EXO1: variants seen among roughly 807,000 people sequenced by gnomAD.
EXO1 encodes the protein exonuclease 1.
In EXO1, 69 loss-of-function variants were observed where a neutral mutation model predicts 84.5. The ratio of observed to expected loss-of-function variants is 0.82; its 90% CI spans 0.67 to 1.00. The LOEUF (loss-of-function observed/expected upper bound fraction) is 1.00, where lower values mean the gene tolerates loss of function less well. Among genes scored for constraint, EXO1 ranks in the 50% least tolerant of loss-of-function variants. EXO1 has a pLI of 0.00. For missense variants in EXO1, 1,045 were observed against 1,000.7 expected (o/e 1.04, Z -0.60); for synonymous variants, 373 against 366.1 (o/e 1.02, Z -0.21).
At chr1:241,851,106 AG>A (rs1660647656) in intron 4 of EXO1, among the ~76,000 whole-genome samples, 1 of 152,192 alleles carries the variant, frequency 6.6e-6, no homozygotes, top group South Asian at 2.1e-4. Context: ...CTGAGATTAC[AG>A]GCGTGAGCCA....
Position 241,853,470 on chromosome 1 carries a change from A to G in EXO1, c.394A>G (p.Lys132Glu), listed in dbSNP as rs753963521. The G allele has an allele frequency of 6.2e-7, 1 of 1,614,048 alleles. No homozygotes were observed. Among genetic ancestry groups the G allele is most frequent in the South Asian group, 1.1e-5 (1 of 91,070 alleles). ...SINITHAMAH[K>E]VIKAARSQGV... ...CAATATCACACATGCCATGGCCCAC[A>G]AAGTAATTAAAGTAAGACAAAGGGG... is the stretch of plus-strand genomic sequence containing the variant. Residue 132 changes from lysine (K) to glutamate (E), a missense_variant, in exon 6 of 16, where the codon AAA becomes GAA. Transcript: ENST00000366548.
intron 12 of EXO1, among the ~76,000 whole-genome samples, chr1:241,878,449 A>G (rs1348043565): frequency 2.7e-5 from 4 of 149,812 alleles, no homozygotes; most frequent in Non-Finnish European, 4.4e-5. Flanking sequence ...GTGAGCCAAG[A>G]TCCCGCCACT....
chr1:241,882,674 A>G (rs1632285), intron 14 of EXO1, among the ~76,000 whole-genome samples: 143,956 of 152,094 alleles, frequency 0.95, 68,290 homozygotes, highest in Non-Finnish European at 0.98. Flanking sequence ...CACAAAAGGA[A>G]AAGTACCAAT....
At chr1:241,855,420 G>T (rs1305950986) in intron 6 of EXO1, among the ~76,000 whole-genome samples, 1 of 152,182 alleles carries the variant, frequency 6.6e-6, no homozygotes, top group Non-Finnish European at 1.5e-5. Flanking sequence ...TACAAACCTT[G>T]AGCTAGATAC....
At chr1:241,872,926 C>T (rs1662195754) in intron 12 of EXO1, among the ~76,000 whole-genome samples, 1 of 152,142 alleles carries the variant, frequency 6.6e-6, no homozygotes, top group African/African-American at 2.4e-5. Flanking sequence ...TGAGGAGTCG[C>T]CACACTGTCT....
At position 241,857,385 on chromosome 1, in the gene EXO1, ATGAAGC is replaced by A; in HGVS notation, c.450_455del (p.Glu150_Ala151del). ...GGGGTAGATTGCCTCGTGGCTCCCT[ATGAAGC>A]TGATGCGCAGTTGGCCTATCTTAAC... On this transcript the variant is annotated inframe_deletion, in exon 7 of 16. Transcript: ENST00000366548. 6.2e-7 allele frequency: 1 copy of A among 1,613,998 alleles called. No homozygotes were observed. Among genetic ancestry groups the A allele is most frequent in the Non-Finnish European group, 8.5e-7 (1 of 1,179,948 alleles).
At chr1:241,868,374 C>CAAA (rs10591886) in intron 11 of EXO1, among the ~76,000 whole-genome samples, 20 of 115,846 alleles carry the variant, frequency 1.7e-4, no homozygotes, top group African/African-American at 5.2e-4. Flanking sequence ...GAATCCATCT[C>CAAA]AAAAAAAAAA....
chr1:241,872,193 C>T lies in EXO1; in HGVS notation c.1429C>T (p.Pro477Ser), dbSNP rs1380683523. 2 of 1,613,734 alleles carry T rather than the reference C, an allele frequency of 1.2e-6. No homozygotes were observed. The highest frequency in any genetic ancestry group is 8.5e-7 in the Non-Finnish European group (1 of 1,179,856). Residue 477 changes from proline to serine, a missense_variant, in exon 12 of 16, where the codon CCT becomes TCT. Transcript: ENST00000366548. ...TAACAAAAAGAGTGTAAGCACTCCA[C>T]CTAGGACGAGAAATAAATTTGCAAC... ...PTNKKSVSTP[P>S]RTRNKFATFL...
chr1:241,852,405 G>A lies in EXO1; in HGVS notation c.275G>A (p.Arg92Lys). Residue 92 changes from arginine (R) to lysine (K), a missense_variant, in exon 5 of 16, where the codon AGA becomes AAA. Arg to Lys is a conservative substitution (Grantham distance 26). Coordinates refer to ENST00000366548, the MANE Select transcript of EXO1 (RefSeq NM_130398.4). ...TCTAAAAAGGAAGTAGAGAGATCTA[G>A]AAGAGAGTAAGTTAATTCTCTACTT... ...LPSKKEVERS[R>K]RERRQANLLK... The A allele has an allele frequency of 1.3e-6, 2 of 1,598,096 alleles. No homozygotes were observed. The highest frequency in any genetic ancestry group is 1.7e-6 in the Non-Finnish European group (2 of 1,166,520).
chr1:241,887,114 A>G (rs1252050697), intron 15 of EXO1, among the ~76,000 whole-genome samples: 1 of 152,208 alleles, frequency 6.6e-6, no homozygotes, highest in African/African-American at 2.4e-5. Context: ...TAGAATATGA[A>G]ACCATATCAA....
At chr1:241,853,581 C>T in intron 6 of EXO1, 100 bp downstream of exon 6, 1 of 1,311,732 alleles carries the variant, frequency 7.6e-7, no homozygotes, top group Non-Finnish European at 1.1e-6. Context: ...TGTTCTAGGC[C>T]TAACCTCAAG....
chr1:241,880,157 A>T (rs1322239019), intron 13 of EXO1, among the ~76,000 whole-genome samples: 5 of 152,168 alleles, frequency 3.3e-5, no homozygotes, highest in Admixed American at 3.3e-4. Flanking sequence ...CAAAACAGTA[A>T]CACAGGTGTG....
intron 8 of EXO1, 106 bp downstream of exon 8, chr1:241,858,824 A>G (rs1661211398): frequency 2.4e-6 from 2 of 836,708 alleles, no homozygotes; most frequent in South Asian, 1.5e-5. Flanking sequence ...AATAACCTAT[A>G]TTATATTATT....
intron 12 of EXO1, among the ~76,000 whole-genome samples, chr1:241,878,027 T>G (rs1308816051): frequency 1.3e-5 from 2 of 152,182 alleles, no homozygotes; most frequent in Admixed American, 1.3e-4. Context: ...TTGACCATGT[T>G]TTAGCCCCAT....
chr1:241,888,470 T>A (rs1344974386), intron 15 of EXO1, among the ~76,000 whole-genome samples: 1 of 152,168 alleles, frequency 6.6e-6, no homozygotes. Flanking sequence ...GCAACATCCA[T>A]GCAAGGGTCA....
rs1023781938 is a variant in EXO1, at chr1:241,849,373, G to C, written c.-18+157G>C. Among the ~76,000 whole-genome samples the C allele has an allele frequency of 2.0e-5, 3 of 152,160 alleles. No homozygotes were observed. The South Asian group carries it at 6.2e-4, about 31-fold the overall frequency. On this transcript the variant is annotated intron_variant, in intron 3 of 15. Coordinates refer to ENST00000366548, the MANE Select transcript of EXO1 (RefSeq NM_130398.4). Reference sequence around the variant, plus strand: ...GGGGGGAGGTCGTTTCATCAGAAAGGGTTGTGACAGTTCCAGAATCTCTGT... The same window carrying C: ...GGGGGGAGGTCGTTTCATCAGAAAGCGTTGTGACAGTTCCAGAATCTCTGT...
intron 3 of EXO1, 24 bp downstream of exon 3, chr1:241,849,240 A>ACTTT (rs569530285): frequency 1.3e-5 from 2 of 152,258 alleles, no homozygotes; most frequent in African/African-American, 4.8e-5. Context: ...CTGATCCTGT[A>ACTTT]CTTTCTTTCT....
rs1260870394 is a variant in EXO1, at chr1:241,858,709, T to TA, written c.748dup (p.Ile250AsnfsTer40). The stretch of plus-strand genomic sequence containing the variant: ...TCCTAAGACTAGCCAATAATCCAGA[T>TA]ATAGTAAAGGTAAGAGTGATTTGCT... On this transcript the variant is annotated frameshift_variant, in exon 8 of 16. Transcript: ENST00000366548. LOFTEE classifies it high-confidence loss of function. The TA allele has an allele frequency of 1.9e-6, 3 of 1,607,602 alleles. No individual in the cohort carries two copies. In the African/African-American group the frequency reaches 4.0e-5, roughly 21 times the overall value.
chr1:241,863,082 G>A (rs1661492351), intron 10 of EXO1, among the ~76,000 whole-genome samples: 2 of 152,270 alleles, frequency 1.3e-5, no homozygotes, highest in South Asian at 4.1e-4. Flanking sequence ...TAAAAAGCAT[G>A]TCCCTCACTC....
Sources: allele counts gnomAD v4.1 joint callset (sites outside exome capture counted in the v4.1 genomes callset), GRCh38; gene constraint gnomAD v4.1.1; transcripts MANE v1.5; gene names NCBI Gene and HGNC (gene_info 2026-07-23, HGNC 2026-07-21).